Variants in MAST4 observed in about 807,000 individuals in gnomAD.
The protein encoded by MAST4 is microtubule associated serine/threonine kinase family member 4.
Under a neutral mutation model 162.7 loss-of-function variants are expected in MAST4, and 89 were observed. The observed-to-expected ratio is 0.55, with a 90% CI of 0.46 to 0.65. The LOEUF is 0.65. Ranked by LOEUF, MAST4 falls within the 30% of genes least tolerant of loss-of-function variation. MAST4 has a pLI of 0.00. For synonymous variants in MAST4, 1,479 were observed against 1,361.1 expected (o/e 1.09, Z -1.91); for missense variants, 3,153 against 3,374.0 (o/e 0.93, Z 1.62).
At position 66,910,741 on chromosome 5, in the gene MAST4, C is replaced by CTTTGTTTTTTTTTT. The variant is rs1763690763; in HGVS notation, c.674+10762_674+10763insGTTTTTTTTTTTTT. 5.6e-3 allele frequency among the ~76,000 whole-genome samples: 113 copies of CTTTGTTTTTTTTTT among 20,086 alleles called. 1 individual carries two copies. Among genetic ancestry groups the CTTTGTTTTTTTTTT allele is most frequent in the South Asian group, 0.019 (14 of 724 alleles). The allele number at this position is 20,086 out of a possible 152,430, so 13.2% of individuals were successfully genotyped here. ...GAATACACATGTGGTTTTTTTTTTT[C>CTTTGTTTTTTTTTT]TTTTTTTTTTTTTCTTTTTTTTTTT... is the stretch of plus-strand genomic sequence containing the variant. On this transcript the variant is annotated intron_variant, in intron 4 of 28. Coordinates refer to ENST00000403625, the MANE Select transcript of MAST4 (RefSeq NM_001164664.2).
At chr5:66,619,050 G>A (rs1036452483) in intron 1 of MAST4, among the ~76,000 whole-genome samples, 2 of 152,224 alleles carry the variant, frequency 1.3e-5, no homozygotes, top group East Asian at 1.9e-4. Flanking sequence ...TAGGGACAGT[G>A]AAATAGAAGA....
intron 3 of MAST4, among the ~76,000 whole-genome samples, chr5:66,843,518 C>T (rs144988441): frequency 6.6e-6 from 1 of 152,254 alleles, no homozygotes; most frequent in African/African-American, 2.4e-5. Flanking sequence ...TGCCTAATGC[C>T]TATTGGTGCT....
intron 3 of MAST4, among the ~76,000 whole-genome samples, chr5:66,867,823 A>G (rs1338679945): frequency 2.6e-5 from 4 of 152,230 alleles, no homozygotes; most frequent in Admixed American, 2.6e-4. Context: ...GGGCTTGCCC[A>G]GATCTAATTT....
At chr5:67,109,457 GA>G (rs1375364090) in intron 10 of MAST4, among the ~76,000 whole-genome samples, 1 of 151,732 alleles carries the variant, frequency 6.6e-6, no homozygotes, top group Non-Finnish European at 1.5e-5. Context: ...CCCTCCTCAA[GA>G]TATCTCATTA....
intron 1 of MAST4, among the ~76,000 whole-genome samples, chr5:66,637,692 A>G (rs143961320): frequency 4.9e-4 from 74 of 151,732 alleles, no homozygotes; most frequent in African/African-American, 1.6e-3. Context: ...GAAAGTTTTG[A>G]TATATCTTCT....
chr5:66,678,009 C>T lies in MAST4; in HGVS notation c.363+80991C>T, dbSNP rs147946856. 3.3e-3 allele frequency among the ~76,000 whole-genome samples: 508 copies of T among 152,246 alleles called. 1 individual carries two copies. Among genetic ancestry groups the T allele is most frequent in the African/African-American group, 0.011 (476 of 41,538 alleles). ...GTGAAGTCAGGAAGAGTTTGAGAAT[C>T]TTCTTCTATAGGAATTGGAAGCATT... On this transcript the variant is annotated intron_variant, in intron 1 of 28. Coordinates refer to ENST00000403625, the MANE Select transcript of MAST4 (RefSeq NM_001164664.2).
intron 2 of MAST4, among the ~76,000 whole-genome samples, chr5:66,771,756 C>CT (rs201095408): frequency 0.26 from 36,820 of 143,482 alleles, 5,495 homozygotes; most frequent in Non-Finnish European, 0.36. Flanking sequence ...TGGTTTCGGG[C>CT]TTTTTTTTTT....
At chr5:67,094,938 G>T (rs1030031116) in intron 6 of MAST4, among the ~76,000 whole-genome samples, 2 of 152,184 alleles carry the variant, frequency 1.3e-5, no homozygotes, top group Admixed American at 1.3e-4. Context: ...TGACTGGCCA[G>T]AGCTGGGCTG....
chr5:66,674,518 T>C (rs1747826822), intron 1 of MAST4, among the ~76,000 whole-genome samples: 1 of 152,214 alleles, frequency 6.6e-6, no homozygotes, highest in Non-Finnish European at 1.5e-5. Flanking sequence ...GAACAAGCCT[T>C]GGTAAGAGAG....
At chr5:66,946,119 G>A (rs1164914995) in intron 4 of MAST4, among the ~76,000 whole-genome samples, 2 of 152,088 alleles carry the variant, frequency 1.3e-5, no homozygotes, top group Non-Finnish European at 2.9e-5. Context: ...ACAGGAAGGA[G>A]GAACCACTCT....
chr5:66,647,613 G>T (rs1393002898), intron 1 of MAST4, among the ~76,000 whole-genome samples: 2 of 152,132 alleles, frequency 1.3e-5, no homozygotes, highest in East Asian at 3.8e-4. Context: ...TGGTGTAAGT[G>T]GTTTGTAGTT....
At chr5:66,966,989 C>T (rs938337279) in intron 4 of MAST4, among the ~76,000 whole-genome samples, 18 of 152,022 alleles carry the variant, frequency 1.2e-4, no homozygotes, top group African/African-American at 4.3e-4. Context: ...ATTGGGTATC[C>T]CTGATAGTGT....
chr5:67,095,762 G>C, intron 7 of MAST4, 87 bp downstream of exon 7: 1 of 967,504 alleles, frequency 1.0e-6, no homozygotes, highest in Non-Finnish European at 1.5e-6. Flanking sequence ...GTGTTTCCTG[G>C]TAGGGAGGAG....
intron 3 of MAST4, among the ~76,000 whole-genome samples, chr5:66,895,253 A>G (rs1762607775): frequency 6.6e-6 from 1 of 152,186 alleles, no homozygotes; most frequent in South Asian, 2.1e-4. Context: ...TTAAAAGTGT[A>G]TAGCACAATC....
intron 1 of MAST4, among the ~76,000 whole-genome samples, chr5:66,741,835 C>T (rs1561298390): frequency 6.6e-6 from 1 of 152,160 alleles, no homozygotes; most frequent in African/African-American, 2.4e-5. Flanking sequence ...GGTATGTCTC[C>T]TAAATCAGAG....
chr5:66,737,579 G>A lies in MAST4; in HGVS notation c.364-22130G>A, dbSNP rs529859569. 3.9e-5 allele frequency among the ~76,000 whole-genome samples: 6 copies of A among 152,220 alleles called. 1 individual carries two copies. The highest frequency in any genetic ancestry group is 2.1e-4 in the South Asian group (1 of 4,814). ...TCCCTCCTTGGCCTCGTATCTCTCC[G>A]TGTACTTTGATCCCTTCTGTCTTCT... On this transcript the variant is annotated intron_variant, in intron 1 of 28. Coordinates refer to ENST00000403625, the MANE Select transcript of MAST4 (RefSeq NM_001164664.2).
intron 4 of MAST4, among the ~76,000 whole-genome samples, chr5:66,964,913 C>T (rs141253075): frequency 2.0e-5 from 3 of 152,142 alleles, no homozygotes; most frequent in South Asian, 2.1e-4. Context: ...AAATGAATGA[C>T]GAATTTGCCA....
chr5:67,069,311 T>TATATATAA (rs1198072267), intron 5 of MAST4, among the ~76,000 whole-genome samples: 2 of 142,216 alleles, frequency 1.4e-5, no homozygotes, highest in Admixed American at 1.4e-4. Context: ...TATATATATA[T>TATATATAA]AAAATTTTAA....
At chr5:66,917,006 G>A (rs1483008716) in intron 4 of MAST4, 1 of 718,014 alleles carries the variant, frequency 1.4e-6, no homozygotes, top group East Asian at 2.7e-5. Context: ...AAGTGGAATT[G>A]CTTGGTCAAA....
Sources: allele counts gnomAD v4.1 joint callset (sites outside exome capture counted in the v4.1 genomes callset), GRCh38; gene constraint gnomAD v4.1.1; transcripts MANE v1.5; gene names NCBI Gene and HGNC (gene_info 2026-07-23, HGNC 2026-07-21).